The following PLXNC1 variants were observed in gnomAD, a reference collection of about 807,000 sequenced individuals.
PLXNC1 encodes plexin-C1.
Under a neutral mutation model 178.2 loss-of-function variants are expected in PLXNC1, and 75 were observed. That is an observed-to-expected ratio of 0.42 (90% CI 0.35 to 0.51). The LOEUF (loss-of-function observed/expected upper bound fraction) is 0.51. Ranked by LOEUF, PLXNC1 falls within the 20% of genes least tolerant of loss-of-function variation. The probability of loss-of-function intolerance (pLI) is 0.02; values close to 1 mark genes in which losing one functional copy is unlikely to be tolerated. For missense variants in PLXNC1, 1,503 were observed against 1,984.4 expected, an observed-to-expected ratio of 0.76 and a Z score of 4.61; for synonymous variants, 790 against 779.9, an observed-to-expected ratio of 1.01 and a Z score of -0.22.
chr12:94,223,720 A>T (rs992581897), intron 6 of PLXNC1, among the ~76,000 whole-genome samples: 2 of 152,198 alleles, frequency 1.3e-5, no homozygotes, highest in Non-Finnish European at 2.9e-5. Context: ...TTTATCACAG[A>T]TTTGGTGACA....
chr12:94,237,553 ATGT>A (rs756637266), intron 9 of PLXNC1, 108 bp from the exon 10 acceptor site: 11 of 858,246 alleles, frequency 1.3e-5, no homozygotes, highest in Non-Finnish European at 1.8e-5. Context: ...TGTTCGCAAA[ATGT>A]TGTAATTTCC....
At chr12:94,217,438 C>G (rs1963676824) in intron 5 of PLXNC1, among the ~76,000 whole-genome samples, 7 of 152,206 alleles carry the variant, frequency 4.6e-5, no homozygotes, top group Admixed American at 4.6e-4. Context: ...ATGTTCATGT[C>G]TCCTTTATCC....
chr12:94,243,228 T>G (rs1964438787), intron 11 of PLXNC1, among the ~76,000 whole-genome samples: 1 of 152,236 alleles, frequency 6.6e-6, no homozygotes, highest in African/African-American at 2.4e-5. Context: ...CAGCTGGCTG[T>G]TGGACCTGAC....
intron 5 of PLXNC1, among the ~76,000 whole-genome samples, chr12:94,214,658 T>A (rs2136010647): frequency 6.6e-6 from 1 of 152,320 alleles, no homozygotes; most frequent in African/African-American, 2.4e-5. Flanking sequence ...ATCAATAACC[T>A]TACTACATGT....
chr12:94,293,109 C>T (rs916792392), intron 23 of PLXNC1, among the ~76,000 whole-genome samples: 3 of 152,024 alleles, frequency 2.0e-5, no homozygotes, highest in African/African-American at 7.2e-5. Context: ...TCTTTTCTGT[C>T]GAGCTTCTTC....
intron 1 of PLXNC1, among the ~76,000 whole-genome samples, chr12:94,154,315 AC>A (rs1481227339): frequency 6.6e-6 from 1 of 152,206 alleles, no homozygotes; most frequent in African/African-American, 2.4e-5. Flanking sequence ...GTCCAGCTCT[AC>A]GACCTGAGCT....
intron 15 of PLXNC1, among the ~76,000 whole-genome samples, chr12:94,252,214 C>T (rs532792408): frequency 2.6e-5 from 4 of 152,278 alleles, no homozygotes; most frequent in Admixed American, 2.6e-4. Context: ...CCACCCCCCA[C>T]CACCCATCAC....
chr12:94,171,754 C>T (rs1961853776), intron 2 of PLXNC1, among the ~76,000 whole-genome samples: 1 of 152,170 alleles, frequency 6.6e-6, no homozygotes, highest in African/African-American at 2.4e-5. Context: ...AGAGTCCCAG[C>T]TTGAGAATAA....
intron 4 of PLXNC1, among the ~76,000 whole-genome samples, chr12:94,187,201 A>AAAC (rs1555196783): frequency 6.6e-5 from 10 of 151,260 alleles, no homozygotes; most frequent in East Asian, 2.0e-4. Context: ...AGAAAAAAAA[A>AAAC]CCCATAACAG....
At chr12:94,157,291 T>C (rs776293585) in intron 1 of PLXNC1, among the ~76,000 whole-genome samples, 3 of 152,148 alleles carry the variant, frequency 2.0e-5, no homozygotes, top group Non-Finnish European at 4.4e-5. Context: ...ACCAACATCT[T>C]GATTACAGTA....
In PLXNC1 at chr12:94,156,704, C is replaced by CTTTTTTTTTTTTT. The variant is rs1209546709; in HGVS notation, c.1062+6674_1062+6675insTTTTTTTTTTTTT. Among the ~76,000 whole-genome samples the CTTTTTTTTTTTTT allele has an allele frequency of 1.5e-5, 2 of 129,932 alleles. 1 individual carries two copies. The allele number at this position is 129,932 out of a possible 152,430, so 85.2% of individuals were successfully genotyped here. A position where few individuals can be genotyped will look rare whatever the true frequency, so the allele number is the denominator to read the frequency against. The stretch of plus-strand genomic sequence containing the variant: ...CTGGAGGAGAGACACTGGAAACTTT[C>CTTTTTTTTTTTTT]TTTCTTTTTTTTTTTTTTTTTTAAA... On this transcript the variant is annotated intron_variant, in intron 1 of 30. Transcript: ENST00000258526.
intron 26 of PLXNC1, among the ~76,000 whole-genome samples, chr12:94,298,214 T>TTA (rs1197904484): frequency 6.6e-6 from 1 of 152,214 alleles, no homozygotes; most frequent in Non-Finnish European, 1.5e-5. Context: ...CAATAAAACT[T>TTA]TATGATAGAA....
chr12:94,259,418 T>A (rs1397489518), intron 18 of PLXNC1, 43 bp downstream of exon 18: 1 of 1,432,436 alleles, frequency 7.0e-7, no homozygotes. Context: ...GACTGCCTGA[T>A]GTTCATAGTG....
chr12:94,251,320 G>A (rs1051975775), intron 14 of PLXNC1, 106 bp from the exon 15 acceptor site: 9 of 695,442 alleles, frequency 1.3e-5, no homozygotes, highest in Non-Finnish European at 2.4e-5. Flanking sequence ...ATCCTACCCA[G>A]CTCACTGCTT....
chr12:94,272,697 T>C (rs888747691), intron 21 of PLXNC1, among the ~76,000 whole-genome samples: 1 of 152,234 alleles, frequency 6.6e-6, no homozygotes, highest in East Asian at 1.9e-4. Flanking sequence ...TTGAGCCCAC[T>C]GAATCTGGAG....
At chr12:94,297,146 T>A in intron 24 of PLXNC1, 43 bp from the exon 25 acceptor site, 1 of 1,610,264 alleles carries the variant, frequency 6.2e-7, no homozygotes, top group Non-Finnish European at 8.5e-7. Flanking sequence ...ATGGTTGCTT[T>A]TTTTAATGGA....
At chr12:94,181,397 A>AG (rs777008441) in intron 2 of PLXNC1, 49 bp from the exon 3 acceptor site, 2 of 1,310,340 alleles carry the variant, frequency 1.5e-6, no homozygotes, top group East Asian at 2.4e-5. Flanking sequence ...AAAAAAAAAA[A>AG]AAAGTATTAA....
Position 94,260,598 on chromosome 12 carries a change from C to G in PLXNC1, c.3252-44C>G, listed in dbSNP as rs1024810866. The G allele has an allele frequency of 8.2e-6, 12 of 1,467,780 alleles. No individual in the cohort carries two copies. The highest frequency in any genetic ancestry group is 1.4e-5 in the African/African-American group (1 of 72,002). The allele number at this position is 1,467,780 out of a possible 1,614,324, so 90.9% of individuals were successfully genotyped here. A position where few individuals can be genotyped will look rare whatever the true frequency, so the allele number is the denominator to read the frequency against. ...CATGGAAACTCCCATGGGTGTCCAG[C>G]TAGGCCTGCAGCCAATGGTTCACCC... On this transcript the variant is annotated intron_variant, in intron 19 of 30. Coordinates refer to ENST00000258526, the MANE Select transcript of PLXNC1 (RefSeq NM_005761.3). The surrounding 1 kb of genome is among the most constrained non-coding windows in gnomAD (Gnocchi z 4.4).
At chr12:94,240,399 A>G (rs1378656555) in intron 10 of PLXNC1, 86 bp from the exon 11 acceptor site, 3 of 1,015,028 alleles carry the variant, frequency 3.0e-6, no homozygotes, top group African/African-American at 3.2e-5. Flanking sequence ...TTGTAGTTCA[A>G]GTGAAATTCA....
Sources: gnomAD v4.1 joint callset for allele counts (sites outside exome capture counted in the v4.1 genomes callset) on GRCh38, gnomAD v4.1.1 for gene constraint, Gnocchi (gnomAD v3.1) non-coding constraint, MANE v1.5 for transcripts, NCBI Gene and HGNC (gene_info 2026-07-23, HGNC 2026-07-21) for gene names.